The following MMP20 variants were observed in gnomAD, a reference collection of about 807,000 sequenced individuals.
MMP20 encodes matrix metalloproteinase-20.
MMP20 carries 50 observed loss-of-function variants against 51.8 expected under a neutral mutation model. The observed-to-expected ratio is 0.97, with a 90% CI of 0.77 to 1.22. MMP20 has a LOEUF of 1.22. Among genes scored for constraint, MMP20 ranks in the 50% most tolerant of loss-of-function variants. The probability of loss-of-function intolerance (pLI) is 0.00; values close to 1 mark genes in which losing one functional copy is unlikely to be tolerated. For missense variants in MMP20, 663 were observed against 601.4 expected (o/e 1.10, Z -1.07); for synonymous variants, 244 against 216.2 (o/e 1.13, Z -1.13).
At chr11:102,612,894 G>A (rs1266068554) in intron 2 of MMP20, among the ~76,000 whole-genome samples, 4 of 151,870 alleles carry the variant, frequency 2.6e-5, no homozygotes, top group East Asian at 3.9e-4. Flanking sequence ...CCGCCACCAC[G>A]CCGGGCTAAT....
rs12278482 is a variant in MMP20, at chr11:102,577,099, T to G, written c.*227A>C. The G allele has an allele frequency of 6.2e-3, 3,163 of 513,402 alleles. 82 individuals carry two copies. Among genetic ancestry groups the G allele is most frequent in the African/African-American group, 0.056 (2,881 of 51,844 alleles). 31.8% of individuals were successfully genotyped at this position (513,402 alleles called of 1,614,324 possible). A position where few individuals can be genotyped will look rare whatever the true frequency, so the allele number is the denominator to read the frequency against. On this transcript the variant is annotated 3_prime_UTR_variant, in exon 10 of 10. Coordinates refer to ENST00000260228, the MANE Select transcript of MMP20 (RefSeq NM_004771.4). ...TAACTGCAGAGTGCATTGTGTTGAT[T>G]TGGATTTCGCATAAAGTTGCCCATA...
intron 2 of MMP20, among the ~76,000 whole-genome samples, chr11:102,616,346 C>T (rs1431913630): frequency 6.6e-6 from 1 of 152,204 alleles, no homozygotes; most frequent in East Asian, 1.9e-4. Flanking sequence ...CCTTAAAGGA[C>T]TGTGAGTTCC....
Position 102,590,704 on chromosome 11 carries a change from T to C in MMP20, c.1247+2735A>G, listed in dbSNP as rs144915552. Among the ~76,000 whole-genome samples the C allele has an allele frequency of 3.1e-3, 468 of 152,340 alleles. 2 individuals are homozygous for C. Among genetic ancestry groups the C allele is most frequent in the African/African-American group, 0.011 (454 of 41,584 alleles). On this transcript the variant is annotated intron_variant, in intron 8 of 9. Coordinates refer to ENST00000260228, the MANE Select transcript of MMP20 (RefSeq NM_004771.4). ...CTAACACACTTTCAGTGGATGTCAATGTAGTGAAATTCTTATTCCATAACT... is the reference window on the plus strand; with the variant it reads ...CTAACACACTTTCAGTGGATGTCAACGTAGTGAAATTCTTATTCCATAACT...
chr11:102,623,451 T>C (rs1382198527), intron 1 of MMP20, among the ~76,000 whole-genome samples: 1 of 152,206 alleles, frequency 6.6e-6, no homozygotes, highest in Non-Finnish European at 1.5e-5. Context: ...CTAGGTTGCA[T>C]GCTCTTTTGA....
chr11:102,600,239 T>A (rs1859429948), intron 6 of MMP20, among the ~76,000 whole-genome samples: 3 of 152,162 alleles, frequency 2.0e-5, no homozygotes, highest in Non-Finnish European at 2.9e-5. Context: ...GCCCATGGCA[T>A]CCTGGGAATT....
intron 8 of MMP20, among the ~76,000 whole-genome samples, chr11:102,586,712 G>A (rs550933804): frequency 1.2e-3 from 184 of 152,206 alleles, no homozygotes; most frequent in African/African-American, 4.2e-3. Flanking sequence ...AGCTACTCAG[G>A]AGGCTGAGGC....
intron 2 of MMP20, 57 bp downstream of exon 2, chr11:102,616,755 G>C: frequency 6.2e-7 from 1 of 1,602,204 alleles, no homozygotes; most frequent in South Asian, 1.1e-5. Context: ...TTCAAGAAAA[G>C]GGAAAAAGAG....
rs146500289 is a variant in MMP20 at position 102,609,308 on chromosome 11, GAGGAC to G, written c.650-215_650-211del. The stretch of plus-strand genomic sequence containing the variant: ...GGCTAGAAGGGGGTTGGGGGTGGGG[GAGGAC>G]AGAAATGCACATCAATCCATTTTAT... On this transcript the variant is annotated intron_variant, in intron 4 of 9. Coordinates refer to ENST00000260228, the MANE Select transcript of MMP20 (RefSeq NM_004771.4). Among the ~76,000 whole-genome samples the G allele has an allele frequency of 6.7e-3, 1,026 of 152,270 alleles. 17 individuals carry two copies. The highest frequency in any genetic ancestry group is 0.023 in the African/African-American group (976 of 41,548).
At chr11:102,579,528 T>C (rs1453671255) in intron 8 of MMP20, among the ~76,000 whole-genome samples, 2 of 152,078 alleles carry the variant, frequency 1.3e-5, no homozygotes, top group African/African-American at 4.8e-5. Context: ...CCCAGGCTGG[T>C]CTCAAACTCC....
chr11:102,596,056 A>G (rs1859376862), intron 6 of MMP20, among the ~76,000 whole-genome samples: 1 of 152,248 alleles, frequency 6.6e-6, no homozygotes, highest in African/African-American at 2.4e-5. Flanking sequence ...AGGATGAAAC[A>G]CTGAAGAAGA....
chr11:102,592,425 C>T (rs1279156813), intron 8 of MMP20, among the ~76,000 whole-genome samples: 1 of 152,050 alleles, frequency 6.6e-6, no homozygotes, highest in East Asian at 1.9e-4. Context: ...AATTTGCTTT[C>T]TTATGAAATA....
intron 4 of MMP20, 114 bp downstream of exon 4, chr11:102,609,791 T>C: frequency 6.7e-7 from 1 of 1,493,166 alleles, no homozygotes; most frequent in Non-Finnish European, 9.3e-7. Flanking sequence ...TTGTTTTTCC[T>C]AGCCAGCCCC....
chr11:102,608,610 C>A (rs1045000986), intron 5 of MMP20, among the ~76,000 whole-genome samples: 12 of 152,276 alleles, frequency 7.9e-5, no homozygotes, highest in African/African-American at 2.9e-4. Context: ...AATGGGTAAG[C>A]ACCACATATA....
intron 9 of MMP20, among the ~76,000 whole-genome samples, chr11:102,578,797 AC>A (rs1277174709): frequency 6.7e-5 from 9 of 133,874 alleles, no homozygotes; most frequent in Non-Finnish European, 1.1e-4. Flanking sequence ...ACACACAAAA[AC>A]AAAAACAAAC....
intron 6 of MMP20, among the ~76,000 whole-genome samples, chr11:102,603,960 G>A (rs371424829): frequency 7.3e-5 from 11 of 151,570 alleles, no homozygotes; most frequent in African/African-American, 2.7e-4. Flanking sequence ...GTCAAAAGAT[G>A]TATTGACTTT....
At chr11:102,589,225 T>C (rs984510892) in intron 8 of MMP20, among the ~76,000 whole-genome samples, 7 of 152,216 alleles carry the variant, frequency 4.6e-5, no homozygotes, top group Admixed American at 3.3e-4. Flanking sequence ...TTGCTTCAAC[T>C]GCTTTCTCTG....
In MMP20 at chr11:102,577,238, C is replaced by T. The variant is rs1034004359; in HGVS notation, c.*88G>A. 5.8e-6 allele frequency: 5 copies of T among 862,626 alleles called. No individual in the cohort carries two copies. The African/African-American group carries it at 6.6e-5, about 11-fold the overall frequency. The allele number at this position is 862,626 out of a possible 1,614,324, so 53.4% of individuals were successfully genotyped here. ...GATTTGAAGGCCTTTGGAAGAATCC[C>T]TCTCCTACATTCTGCTTTAGTCCTT... On this transcript the variant is annotated 3_prime_UTR_variant, in exon 10 of 10. Transcript: ENST00000260228.
At chr11:102,583,465 T>C (rs1054900910) in intron 8 of MMP20, 5 of 152,240 alleles carry the variant, frequency 3.3e-5, no homozygotes, top group Non-Finnish European at 7.3e-5. Context: ...ATACTTACCA[T>C]TGTATCACAA....
intron 8 of MMP20, among the ~76,000 whole-genome samples, chr11:102,586,014 A>G (rs929828304): frequency 2.6e-5 from 4 of 151,968 alleles, no homozygotes; most frequent in Admixed American, 1.3e-4. Context: ...GTGTTTTTGG[A>G]GGATCTTTGT....
Sources: allele counts gnomAD v4.1 joint callset (sites outside exome capture counted in the v4.1 genomes callset), GRCh38; gene constraint gnomAD v4.1.1; transcripts MANE v1.5; gene names NCBI Gene and HGNC (gene_info 2026-07-23, HGNC 2026-07-21).